SLC12A1: variants seen among roughly 807,000 people sequenced by gnomAD.
SLC12A1 encodes the protein Na-K-2Cl cotransporter.
In SLC12A1, 89 loss-of-function variants were observed where a neutral mutation model predicts 130.4. That is an observed-to-expected ratio of 0.68 (90% confidence interval 0.58 to 0.81). The LOEUF is 0.81. Among genes scored for constraint, SLC12A1 ranks in the 40% least tolerant of loss-of-function variants. The probability of loss-of-function intolerance (pLI) is 0.00; values close to 1 mark genes in which losing one functional copy is unlikely to be tolerated. For synonymous variants in SLC12A1, 499 were observed against 460.0 expected (o/e 1.08, Z -1.09); for missense variants, 1,310 against 1,336.4 (o/e 0.98, Z 0.31).
intron 24 of SLC12A1, among the ~76,000 whole-genome samples, chr15:48,295,891 G>A (rs2042173259): frequency 6.6e-6 from 1 of 152,174 alleles, no homozygotes; most frequent in South Asian, 2.1e-4. Context: ...ATACCTGAAA[G>A]TAACCCTAAT....
intron 17 of SLC12A1, among the ~76,000 whole-genome samples, chr15:48,263,145 A>T (rs774586331): frequency 1.3e-5 from 2 of 152,202 alleles, no homozygotes; most frequent in Admixed American, 6.5e-5. Context: ...CCTTATTCAT[A>T]TACTTCTCAA....
At chr15:48,260,150 A>G (rs1799820775) in intron 17 of SLC12A1, among the ~76,000 whole-genome samples, 1 of 151,922 alleles carries the variant, frequency 6.6e-6, no homozygotes, top group Non-Finnish European at 1.5e-5. Flanking sequence ...CTGTAATCCC[A>G]GCTACTCAGG....
chr15:48,250,331 A>G (rs1277401855), intron 14 of SLC12A1, among the ~76,000 whole-genome samples: 1 of 152,230 alleles, frequency 6.6e-6, no homozygotes, highest in Non-Finnish European at 1.5e-5. Context: ...TTTACCGGAT[A>G]TATAAACACA....
chr15:48,223,132 T>C (rs1401617173), intron 4 of SLC12A1: 1 of 152,250 alleles, frequency 6.6e-6, no homozygotes, highest in African/African-American at 2.4e-5. Flanking sequence ...AGCAGGTTAA[T>C]TCCTACCCAA....
chr15:48,285,254 G>A lies in SLC12A1; in HGVS notation c.2629+5G>A, dbSNP rs1372914841. On this transcript the variant is annotated splice_donor_5th_base_variant and intron_variant, in intron 21 of 26. Coordinates refer to ENST00000380993, the MANE Select transcript of SLC12A1 (RefSeq NM_000338.3). ...CTAAGACAACGCCTAAAAAAGGTAAGAACTTTTTAAAATTTGCAAAAAAGT... is the reference window on the plus strand; with the variant it reads ...CTAAGACAACGCCTAAAAAAGGTAAAAACTTTTTAAAATTTGCAAAAAAGT... 1.2e-6 allele frequency: 2 copies of A among 1,612,878 alleles called. No individual in the cohort carries two copies. Among genetic ancestry groups the A allele is most frequent in the Non-Finnish European group, 8.5e-7 (1 of 1,179,592 alleles).
chr15:48,269,802 A>G, intron 19 of SLC12A1, 38 bp downstream of exon 19: 1 of 1,136,112 alleles, frequency 8.8e-7, no homozygotes, highest in South Asian at 1.3e-5. Context: ...TTGTTTATAA[A>G]GCACTAAGCA....
chr15:48,258,454 T>C (rs2041734404), intron 16 of SLC12A1, among the ~76,000 whole-genome samples: 3 of 151,496 alleles, frequency 2.0e-5, no homozygotes, highest in Admixed American at 1.3e-4. Flanking sequence ...GCCTGAACTT[T>C]ATTGTCCATA....
At position 48,226,574 on chromosome 15, in the gene SLC12A1, A is replaced by G. The variant is rs1388968560; in HGVS notation, c.724+3A>G. ...AACTAACGGGTTTGTTCGTGGAGGT[A>G]AAATCTCTAAGATATCTAATGCCCT... On this transcript the variant is annotated splice_donor_region_variant and intron_variant, in intron 5 of 26. Transcript: ENST00000380993. 4 of 1,586,208 alleles carry G rather than the reference A, an allele frequency of 2.5e-6. No homozygotes were observed. The highest frequency in any genetic ancestry group is 1.3e-5 in the African/African-American group (1 of 74,206).
In SLC12A1 at chr15:48,302,938, C is replaced by A; in HGVS notation, c.*53C>A. The A allele has an allele frequency of 7.4e-7, 1 of 1,347,192 alleles. No homozygotes were observed. Among genetic ancestry groups the A allele is most frequent in the Non-Finnish European group, 1.0e-6 (1 of 956,442 alleles). The allele number at this position is 1,347,192 out of a possible 1,614,324, so 83.5% of individuals were successfully genotyped here. ...CTTAATGTAATGCATAATTAAGAAA[C>A]ATGTTCCAGTACTTTATGTTGTAAA... is the stretch of plus-strand genomic sequence containing the variant. On this transcript the variant is annotated 3_prime_UTR_variant, in exon 27 of 27. Transcript: ENST00000380993.
chr15:48,266,209 A>C (rs2041830197), intron 17 of SLC12A1, among the ~76,000 whole-genome samples: 2 of 152,228 alleles, frequency 1.3e-5, no homozygotes, highest in South Asian at 4.1e-4. Context: ...AGTCAGTGCC[A>C]GATCTCAACC....
rs56371843 is a variant in SLC12A1, at chr15:48,236,092, AACACACACACACACACACAC to A, written c.1215+1111_1215+1130del. The stretch of plus-strand genomic sequence containing the variant: ...ATATCGGGGACAATAAGCCATTTCT[AACACACACACACACACACAC>A]ACACACACACACACACACACACGCA... On this transcript the variant is annotated intron_variant, in intron 9 of 26. Coordinates refer to ENST00000380993, the MANE Select transcript of SLC12A1 (RefSeq NM_000338.3). Among the ~76,000 whole-genome samples, 265 of 145,890 alleles carry A rather than the reference AACACACACACACACACACAC, an allele frequency of 1.8e-3. 4 individuals are homozygous for A. Among genetic ancestry groups the A allele is most frequent in the South Asian group, 0.012 (53 of 4,498 alleles).
At chr15:48,227,447 T>C (rs922093056) in intron 5 of SLC12A1, 3 of 433,160 alleles carry the variant, frequency 6.9e-6, no homozygotes, top group Middle Eastern at 6.9e-4. Context: ...GCAAAATATA[T>C]GGTTTCTTTG....
Position 48,288,431 on chromosome 15 carries a change from T to C in SLC12A1, c.2788T>C (p.Leu930=). ...GTTAACACTTCTTATCCCCTATATC[T>C]TAACTCTCAGAAAAAAATGGAAAGA... ...GGLTLLIPYI[L]TLRKKWKDCK... The change falls in exon 23 of 27, where the codon TTA becomes CTA. Residue 930 remains leucine (L), a synonymous_variant. Transcript: ENST00000380993. The C allele has an allele frequency of 6.5e-7, 1 of 1,540,684 alleles. No individual in the cohort carries two copies. Among genetic ancestry groups the C allele is most frequent in the Non-Finnish European group, 8.8e-7 (1 of 1,134,644 alleles).
chr15:48,255,839 T>A lies in SLC12A1; in HGVS notation c.1971T>A (p.Ala657=), dbSNP rs1230824120. 4 of 1,608,368 alleles carry A rather than the reference T, an allele frequency of 2.5e-6. No homozygotes were observed. The highest frequency in any genetic ancestry group is 3.4e-6 in the Non-Finnish European group (4 of 1,177,288). The change falls in exon 16 of 27, where the codon GCT becomes GCA. Residue 657 remains alanine, a synonymous_variant. Coordinates refer to ENST00000380993, the MANE Select transcript of SLC12A1 (RefSeq NM_000338.3). ...TGAACTGGGGCTCCTCCACACAGGC[T>A]CTTTCCTACGTGAGTGCTTTAGACA... ...PDVNWGSSTQ[A]LSYVSALDNA... is the part of the protein sequence containing the mutation.
At chr15:48,224,342 A>G (rs1259539023) in intron 4 of SLC12A1, 1 of 152,220 alleles carries the variant, frequency 6.6e-6, no homozygotes, top group African/African-American at 2.4e-5. Context: ...AATTAGATTG[A>G]CAAAAGTCAG....
At chr15:48,273,720 A>T (rs753355088) in intron 19 of SLC12A1, among the ~76,000 whole-genome samples, 7 of 152,200 alleles carry the variant, frequency 4.6e-5, no homozygotes, top group Non-Finnish European at 7.3e-5. Flanking sequence ...TATGTATACC[A>T]AATGAAAATT....
chr15:48,253,238 G>T (rs1022426676), intron 15 of SLC12A1, among the ~76,000 whole-genome samples: 1 of 152,126 alleles, frequency 6.6e-6, no homozygotes, highest in Non-Finnish European at 1.5e-5. Context: ...CCTTTTAAAT[G>T]TGCTGTCTAT....
In SLC12A1 at chr15:48,247,007, A is replaced by G. The variant is rs1179189380; in HGVS notation, c.1551A>G (p.Lys517=). ...SALASLVSAP[K]VFQALCKDNI... ...TGGCCTCCCTTGTCAGCGCACCCAA[A>G]GTGTTCCAGGTAATACAAGCACAAC... is the stretch of plus-strand genomic sequence containing the variant. Residue 517 remains lysine (K), a synonymous_variant, in exon 12 of 27, where the codon AAA becomes AAG. Transcript: ENST00000380993. The G allele has an allele frequency of 1.2e-6, 2 of 1,612,806 alleles. No homozygotes were observed. The highest frequency in any genetic ancestry group is 1.7e-6 in the Non-Finnish European group (2 of 1,178,988).
chr15:48,230,784 C>G (rs940832571), intron 7 of SLC12A1, among the ~76,000 whole-genome samples: 2 of 152,232 alleles, frequency 1.3e-5, no homozygotes, highest in African/African-American at 4.8e-5. Context: ...AGCAGTGGTG[C>G]ACGCTGGAAG....
Sources: allele counts gnomAD v4.1 joint callset (sites outside exome capture counted in the v4.1 genomes callset), GRCh38; gene constraint gnomAD v4.1.1; transcripts MANE v1.5; gene names NCBI Gene and HGNC (gene_info 2026-07-23, HGNC 2026-07-21).